The following PRKDC variants were observed in gnomAD, a reference collection of about 807,000 sequenced individuals.
PRKDC encodes protein kinase, DNA-activated, catalytic subunit.
Under a neutral mutation model 486.9 loss-of-function variants are expected in PRKDC, and 82 were observed. The observed-to-expected ratio is 0.17, with a 90% CI of 0.14 to 0.20. The LOEUF (loss-of-function observed/expected upper bound fraction) is 0.20. PRKDC is among the 10% of genes least tolerant of loss of function. PRKDC has a pLI of 1.00. For missense variants in PRKDC, 4,504 were observed against 5,038.2 expected, an observed-to-expected ratio of 0.89 and a Z score of 3.21; for synonymous variants, 1,895 against 1,837.0, an observed-to-expected ratio of 1.03 and a Z score of -0.81.
At chr8:47,884,155 C>T (rs1292193742) in intron 36 of PRKDC, among the ~76,000 whole-genome samples, 2 of 152,230 alleles carry the variant, frequency 1.3e-5, no homozygotes, top group African/African-American at 4.8e-5. Context: ...TGCCAGAGCC[C>T]CCAGTCTGGA....
intron 54 of PRKDC, among the ~76,000 whole-genome samples, chr8:47,848,258 C>T (rs936500440): frequency 6.6e-5 from 10 of 152,032 alleles, no homozygotes; most frequent in Non-Finnish European, 8.8e-5. Flanking sequence ...CAATGGTGGA[C>T]TGGATAAAGA....
chr8:47,872,820 A>G (rs1043890145), intron 40 of PRKDC, among the ~76,000 whole-genome samples: 6 of 152,214 alleles, frequency 3.9e-5, no homozygotes, highest in African/African-American at 1.4e-4. Flanking sequence ...GGTGAGACAG[A>G]CCATAATGCA....
intron 12 of PRKDC, 115 bp downstream of exon 12, chr8:47,936,238 A>T (rs1000316534): frequency 4.3e-5 from 52 of 1,203,822 alleles, no homozygotes; most frequent in Non-Finnish European, 5.7e-5. Context: ...TACTAACTAA[A>T]ACTGTCATGT....
At chr8:47,886,459 G>C (rs1439989421) in intron 35 of PRKDC, among the ~76,000 whole-genome samples, 5 of 151,768 alleles carry the variant, frequency 3.3e-5, no homozygotes, top group Non-Finnish European at 7.4e-5. Flanking sequence ...GCACGATCTC[G>C]GCTCACTGCA....
intron 22 of PRKDC, among the ~76,000 whole-genome samples, chr8:47,916,838 T>C (rs1414763945): frequency 6.6e-6 from 1 of 152,224 alleles, no homozygotes; most frequent in Non-Finnish European, 1.5e-5. Flanking sequence ...GAATCAACAG[T>C]GTTCTCCATC....
chr8:47,808,950 G>C (rs1042025749), intron 68 of PRKDC, among the ~76,000 whole-genome samples: 2 of 151,918 alleles, frequency 1.3e-5, no homozygotes, highest in Non-Finnish European at 2.9e-5. Context: ...CCTGAGCTCA[G>C]GAATTTGAGG....
intron 25 of PRKDC, among the ~76,000 whole-genome samples, chr8:47,905,795 T>TA (rs1354740825): frequency 6.6e-6 from 1 of 152,130 alleles, no homozygotes; most frequent in Non-Finnish European, 1.5e-5. Flanking sequence ...GGAACATAAA[T>TA]AAAGCCTCTC....
At chr8:47,833,446 C>T (rs1328389535) in intron 59 of PRKDC, among the ~76,000 whole-genome samples, 1 of 152,102 alleles carries the variant, frequency 6.6e-6, no homozygotes, top group African/African-American at 2.4e-5. Context: ...TTCTTTCTCA[C>T]AAAAAGCTGC....
At chr8:47,820,311 G>C (rs894208642) in intron 66 of PRKDC, among the ~76,000 whole-genome samples, 1 of 152,100 alleles carries the variant, frequency 6.6e-6, no homozygotes, top group Non-Finnish European at 1.5e-5. Context: ...TGAGGCAGGA[G>C]AATCACTTGA....
chr8:47,871,445 T>C (rs1451340796), intron 40 of PRKDC, among the ~76,000 whole-genome samples: 2 of 152,206 alleles, frequency 1.3e-5, no homozygotes, highest in African/African-American at 4.8e-5. Context: ...ATATTGAAGA[T>C]GTTGAAGGAA....
chr8:47,785,367 T>C (rs1218641348), intron 76 of PRKDC, 50 bp from the exon 77 acceptor site: 27 of 1,380,830 alleles, frequency 2.0e-5, no homozygotes, highest in Middle Eastern at 2.1e-4. Context: ...GTTTGGACTT[T>C]GGAAAAGGCT....
In PRKDC at chr8:47,830,874, G is replaced by C. The variant is rs2087851470; in HGVS notation, c.8266-138C>G. 1.3e-5 allele frequency: 13 copies of C among 1,031,074 alleles called. No homozygotes were observed. In the East Asian group the frequency reaches 2.9e-4, roughly 23 times the overall value. 63.9% of individuals were successfully genotyped at this position (1,031,074 alleles called of 1,614,324 possible). A position where few individuals can be genotyped will look rare whatever the true frequency, so the allele number is the denominator to read the frequency against. On this transcript the variant is annotated intron_variant, in intron 60 of 85. Coordinates refer to ENST00000314191, the MANE Select transcript of PRKDC (RefSeq NM_006904.7). Reference sequence around the variant, plus strand: ...AACTGATGCTCGCAGAGGCTCAGTCGCCGTACTTTACCGTCTAGGGCAAAC... The same window carrying C: ...AACTGATGCTCGCAGAGGCTCAGTCCCCGTACTTTACCGTCTAGGGCAAAC...
At chr8:47,917,311 T>G (rs2090002260) in intron 22 of PRKDC, among the ~76,000 whole-genome samples, 1 of 152,160 alleles carries the variant, frequency 6.6e-6, no homozygotes, top group South Asian at 2.1e-4. Context: ...ACTAGAGATA[T>G]ATTTATTTTA....
chr8:47,867,230 G>A (rs1006269414), intron 40 of PRKDC, among the ~76,000 whole-genome samples: 8 of 152,320 alleles, frequency 5.3e-5, no homozygotes, highest in South Asian at 2.1e-4. Flanking sequence ...AGATAGGAAG[G>A]TGATGGGGCA....
intron 21 of PRKDC, among the ~76,000 whole-genome samples, chr8:47,923,277 C>G (rs2090103213): frequency 6.6e-6 from 1 of 152,054 alleles, no homozygotes; most frequent in African/African-American, 2.4e-5. Flanking sequence ...GTTTGCCAGG[C>G]TGGTCTCAAA....
chr8:47,906,355 A>G (rs1295196745), intron 25 of PRKDC, among the ~76,000 whole-genome samples: 1 of 151,974 alleles, frequency 6.6e-6, no homozygotes, highest in Non-Finnish European at 1.5e-5. Context: ...TAAAAAAAAA[A>G]TTAAAATGGC....
chr8:47,883,338 G>GA (rs1243324135), intron 36 of PRKDC, among the ~76,000 whole-genome samples: 2 of 152,184 alleles, frequency 1.3e-5, no homozygotes, highest in Admixed American at 1.3e-4. Context: ...GGAAACCTGA[G>GA]AATCTTTTAT....
chr8:47,834,686 CTTTTTTT>C (rs1014285595), intron 58 of PRKDC, among the ~76,000 whole-genome samples: 3 of 96,758 alleles, frequency 3.1e-5, no homozygotes, highest in East Asian at 2.9e-4. Flanking sequence ...GAACCCCTGA[CTTTTTTT>C]TTTTTTTTTT....
At chr8:47,943,446 T>C in intron 9 of PRKDC, 80 bp from the exon 10 acceptor site, 1 of 1,409,886 alleles carries the variant, frequency 7.1e-7, no homozygotes. Flanking sequence ...CAGGGATATG[T>C]CAAAGTCAAC....
Sources: gnomAD v4.1 joint callset for allele counts (sites outside exome capture counted in the v4.1 genomes callset) on GRCh38, gnomAD v4.1.1 for gene constraint, MANE v1.5 for transcripts, NCBI Gene and HGNC (gene_info 2026-07-23, HGNC 2026-07-21) for gene names.